Variants in NPAS1 observed in about 807,000 individuals in gnomAD.
NPAS1 encodes the protein neuronal PAS domain protein 1.
In NPAS1, 29 loss-of-function variants were observed where a neutral mutation model predicts 49.2. That is an observed-to-expected ratio of 0.59 (90% CI 0.44 to 0.80). The LOEUF (loss-of-function observed/expected upper bound fraction) is 0.80. NPAS1 is among the 30% of genes least tolerant of loss of function. The pLI is 0.00. For missense variants in NPAS1, 825 were observed against 835.5 expected (o/e 0.99, Z 0.15); for synonymous variants, 408 against 380.4 (o/e 1.07, Z -0.84).
chr19:47,025,762 A>G lies in NPAS1; in HGVS notation c.358+3915A>G, dbSNP rs1051552994. Among the ~76,000 whole-genome samples, 5 of 150,744 alleles carry G rather than the reference A, an allele frequency of 3.3e-5. No individual in the cohort carries two copies. The South Asian group carries it at 1.1e-3, about 32-fold the overall frequency. The stretch of plus-strand genomic sequence containing the variant: ...AGCTACTTTTTGCATTTTTTAAGAG[A>G]CGAGGTCTCACCATGTTGCCCAGGC... On this transcript the variant is annotated intron_variant, in intron 3 of 11. Coordinates refer to ENST00000602212, the MANE Select transcript of NPAS1 (RefSeq NM_002517.4).
Position 47,032,737 on chromosome 19 carries a change from G to C in NPAS1, c.522+5G>C, listed in dbSNP as rs776079933. 1.2e-6 allele frequency: 2 copies of C among 1,609,742 alleles called. No individual in the cohort carries two copies. The highest frequency in any genetic ancestry group is 2.7e-5 in the African/African-American group (2 of 74,836). The stretch of plus-strand genomic sequence containing the variant: ...ATCTATCTGGGTCTCTCACAGGTAA[G>C]GGACCCCCAGTGGACCTGGATTGGC... On this transcript the variant is annotated splice_donor_5th_base_variant and intron_variant, in intron 5 of 11. Transcript: ENST00000602212.
In NPAS1 at chr19:47,021,313, T is replaced by G; in HGVS notation, c.122+144T>G. On this transcript the variant is annotated intron_variant, in intron 2 of 11. Transcript: ENST00000602212. This position sits in a 1 kb window ranked among gnomAD's most constrained non-coding sequence, Gnocchi z 5.7. ...CTAGAAGGTCTTACCTTGAGTTAAC[T>G]ACCGTCCTGAGCCCGGTCCCCTGCG... 1.4e-6 allele frequency: 1 copy of G among 736,304 alleles called. No individual in the cohort carries two copies. The highest frequency in any genetic ancestry group is 2.1e-6 in the Non-Finnish European group (1 of 474,354). 45.6% of individuals were successfully genotyped at this position (736,304 alleles called of 1,614,324 possible). A position where few individuals can be genotyped will look rare whatever the true frequency, so the allele number is the denominator to read the frequency against.
intron 5 of NPAS1, among the ~76,000 whole-genome samples, chr19:47,034,114 G>T (rs2056928839): frequency 6.6e-6 from 1 of 150,518 alleles, no homozygotes; most frequent in Admixed American, 6.7e-5. Flanking sequence ...AGACCAGCCT[G>T]ACCAACATGG....
chr19:47,030,919 C>T (rs1040024449), intron 3 of NPAS1, among the ~76,000 whole-genome samples: 1 of 151,958 alleles, frequency 6.6e-6, no homozygotes, highest in Non-Finnish European at 1.5e-5. Context: ...GGATTACAGG[C>T]GTGAGCCACC....
chr19:47,043,280 A>AAAAAAAAAAG (rs1399975467), intron 11 of NPAS1, among the ~76,000 whole-genome samples: 1 of 136,988 alleles, frequency 7.3e-6, no homozygotes, highest in Non-Finnish European at 1.5e-5. Flanking sequence ...CTCTGTCTCA[A>AAAAAAAAAAG]AAAAAAAAAA....
Position 47,039,142 on chromosome 19 carries a change from A to G in NPAS1, c.795A>G (p.Ser265=). The change falls in exon 7 of 12, where the codon TCA becomes TCG. Residue 265 remains serine, a synonymous_variant. Transcript: ENST00000602212. ...AGAGGGGGCTGCACGTCAAGGCCTC[A>G]GGGTACAAGGTGGGTGTGAGCAGTC... ...LTKRGLHVKA[S]GYKVIHVTGR... 6.2e-7 allele frequency: 1 copy of G among 1,609,076 alleles called. No individual in the cohort carries two copies.
intron 9 of NPAS1, 57 bp downstream of exon 9, chr19:47,040,607 C>A: frequency 1.6e-6 from 2 of 1,229,206 alleles, no homozygotes; most frequent in Non-Finnish European, 2.3e-6. Flanking sequence ...CCGAGCATCC[C>A]ACTCCCTGGT....
Position 47,040,510 on chromosome 19 carries a change from C to G in NPAS1, c.1029C>G (p.His343Gln), listed in dbSNP as rs775023181. ...LVGRSCYQFV[H>Q]GQDATRIRQS... ...GCCGCAGCTGCTACCAGTTTGTCCA[C>G]GGACAGGACGCCACGAGGATCCGCC... Residue 343 changes from histidine (H) to glutamine (Q), a missense_variant, in exon 9 of 12, where the codon CAC (histidine) becomes CAG (glutamine). Coordinates refer to ENST00000602212, the MANE Select transcript of NPAS1 (RefSeq NM_002517.4). 6.2e-7 allele frequency: 1 copy of G among 1,603,638 alleles called. No individual in the cohort carries two copies.
chr19:47,042,649 G>T (rs1365896182), intron 10 of NPAS1, among the ~76,000 whole-genome samples, 161 bp from the exon 11 acceptor site: 2 of 152,226 alleles, frequency 1.3e-5, no homozygotes, highest in Non-Finnish European at 2.9e-5. Context: ...AGTCAACCCG[G>T]AGTTTAGGGA....
intron 3 of NPAS1, among the ~76,000 whole-genome samples, chr19:47,028,212 G>A (rs559974940): frequency 1.8e-4 from 28 of 152,224 alleles, no homozygotes; most frequent in African/African-American, 5.3e-4. Flanking sequence ...GGAAAATTGC[G>A]ACAATTAGCA....
rs1197982409 is a variant in NPAS1 at position 47,043,155 on chromosome 19, G to C, written c.1312+251G>C. On this transcript the variant is annotated intron_variant, in intron 11 of 11. Transcript: ENST00000602212. ...TACTAAAAATACAAAAATTAGCTGG[G>C]CGTGGTGGCATGCGCCTGTAATCCC... 1.3e-5 allele frequency among the ~76,000 whole-genome samples: 2 copies of C among 151,336 alleles called. 1 individual carries two copies. The highest frequency in any genetic ancestry group is 2.9e-5 in the Non-Finnish European group (2 of 67,948).
chr19:47,044,739 GA>G (rs1421779170), intron 11 of NPAS1, among the ~76,000 whole-genome samples: 1 of 152,214 alleles, frequency 6.6e-6, no homozygotes, highest in Non-Finnish European at 1.5e-5. Context: ...CCTGGTGACA[GA>G]ACCAGCTGGC....
intron 6 of NPAS1, among the ~76,000 whole-genome samples, chr19:47,036,494 A>C (rs2056957870): frequency 6.6e-6 from 1 of 152,214 alleles, no homozygotes; most frequent in South Asian, 2.1e-4. Flanking sequence ...TAACCCCGGC[A>C]CTTCGGGAGG....
Position 47,045,604 on chromosome 19 carries a change from C to A in NPAS1, c.1726C>A (p.Pro576Thr). 6.9e-7 allele frequency: 1 copy of A among 1,458,740 alleles called. No individual in the cohort carries two copies. The highest frequency in any genetic ancestry group is 9.0e-7 in the Non-Finnish European group (1 of 1,116,362). 90.4% of individuals were successfully genotyped at this position (1,458,740 alleles called of 1,614,324 possible). A position where few individuals can be genotyped will look rare whatever the true frequency, so the allele number is the denominator to read the frequency against. Residue 576 changes from proline (P) to threonine (T), a missense_variant, in exon 12 of 12, where the codon CCC (proline) becomes ACC (threonine). Coordinates refer to ENST00000602212, the MANE Select transcript of NPAS1 (RefSeq NM_002517.4). The stretch of plus-strand genomic sequence containing the variant: ...GGCCTTTTACCCGCCCCTGGGCCTG[C>A]CCTACCCGGGGCCCGCGGGCACCAG... Reference protein sequence around the residue: ...PEAFYPPLGLPYPGPAGTRLP... With the variant: ...PEAFYPPLGLTYPGPAGTRLP...
intron 6 of NPAS1, 61 bp from the exon 7 acceptor site, chr19:47,038,975 C>A (rs2056989876): frequency 1.4e-6 from 2 of 1,443,012 alleles, no homozygotes; most frequent in African/African-American, 1.4e-5. Context: ...CTGCAAGGGT[C>A]AGGGTGGCCT....
chr19:47,029,583 T>C (rs1408822633), intron 3 of NPAS1, among the ~76,000 whole-genome samples: 2 of 151,910 alleles, frequency 1.3e-5, no homozygotes, highest in Non-Finnish European at 2.9e-5. Context: ...GTATTTTTGG[T>C]AGAGACAAAG....
At chr19:47,032,409 G>A in intron 4 of NPAS1, 58 bp downstream of exon 4, 1 of 1,561,714 alleles carries the variant, frequency 6.4e-7, no homozygotes, top group Non-Finnish European at 8.8e-7. Context: ...GGCCGCCTCT[G>A]GAGAACAGCA....
At chr19:47,040,647 C>A in intron 9 of NPAS1, 97 bp downstream of exon 9, 1 of 794,240 alleles carries the variant, frequency 1.3e-6, no homozygotes, top group Non-Finnish European at 2.1e-6. Context: ...GGGCTGCCCA[C>A]AGTCCCTCCT....
intron 6 of NPAS1, among the ~76,000 whole-genome samples, chr19:47,038,333 A>G (rs1477702955): frequency 6.6e-6 from 1 of 152,236 alleles, no homozygotes; most frequent in African/African-American, 2.4e-5. Flanking sequence ...CCTGGCCAAC[A>G]TGGCGATACC....
Sources: gnomAD v4.1 joint callset for allele counts (sites outside exome capture counted in the v4.1 genomes callset) on GRCh38, gnomAD v4.1.1 for gene constraint, Gnocchi (gnomAD v3.1) non-coding constraint, MANE v1.5 for transcripts, NCBI Gene and HGNC (gene_info 2026-07-23, HGNC 2026-07-21) for gene names.